The following EPB41L4B variants were observed in gnomAD, a reference collection of about 807,000 sequenced individuals.
EPB41L4B encodes band 4.1-like protein 4B.
Under a neutral mutation model 112.5 loss-of-function variants are expected in EPB41L4B, and 30 were observed. The ratio of observed to expected loss-of-function variants is 0.27; its 90% CI spans 0.20 to 0.36. The LOEUF (loss-of-function observed/expected upper bound fraction) is 0.36. Ranked by LOEUF, EPB41L4B falls within the 10% of genes least tolerant of loss-of-function variation. The pLI, the probability that EPB41L4B is intolerant of heterozygous loss-of-function variation, is 1.00. For missense variants in EPB41L4B, 1,024 were observed against 1,133.3 expected (o/e 0.90, Z 1.38); for synonymous variants, 408 against 439.7 (o/e 0.93, Z 0.90).
intron 11 of EPB41L4B, among the ~76,000 whole-genome samples, 182 bp downstream of exon 11, chr9:109,255,329 A>C (rs1834936518): frequency 6.6e-6 from 1 of 152,184 alleles, no homozygotes; most frequent in African/African-American, 2.4e-5. Context: ...TATTAGTTCC[A>C]TTTTATCAAT....
intron 20 of EPB41L4B, among the ~76,000 whole-genome samples, chr9:109,195,594 T>C (rs941832197): frequency 6.6e-6 from 1 of 152,216 alleles, no homozygotes; most frequent in Non-Finnish European, 1.5e-5. Context: ...CCTATTACCA[T>C]CTCCATTTTT....
chr9:109,250,313 C>T (rs1387941262), intron 13 of EPB41L4B, among the ~76,000 whole-genome samples: 1 of 152,160 alleles, frequency 6.6e-6, no homozygotes, highest in Non-Finnish European at 1.5e-5. Flanking sequence ...CAGGGCTCTC[C>T]TCGCTCACCG....
At chr9:109,276,302 G>A (rs1052028251) in intron 2 of EPB41L4B, among the ~76,000 whole-genome samples, 2 of 144,528 alleles carry the variant, frequency 1.4e-5, no homozygotes, top group Non-Finnish European at 3.1e-5. Flanking sequence ...CACGCTTCAT[G>A]AAGGGTGAGG....
At chr9:109,214,719 A>C (rs918007915) in intron 16 of EPB41L4B, among the ~76,000 whole-genome samples, 1 of 152,178 alleles carries the variant, frequency 6.6e-6, no homozygotes, top group African/African-American at 2.4e-5. Context: ...TAGCTAGAGT[A>C]TGGTGAGGAG....
chr9:109,200,366 A>G (rs916679473), intron 19 of EPB41L4B, 32 bp from the exon 20 acceptor site: 4 of 1,562,202 alleles, frequency 2.6e-6, no homozygotes, highest in Non-Finnish European at 3.5e-6. Context: ...GAACAATACC[A>G]TCAAAAAAGG....
At chr9:109,203,359 G>A (rs1832896087) in intron 19 of EPB41L4B, among the ~76,000 whole-genome samples, 1 of 152,130 alleles carries the variant, frequency 6.6e-6, no homozygotes, top group Non-Finnish European at 1.5e-5. Context: ...AGTGTAAACA[G>A]AGCCTTTAAA....
chr9:109,305,990 A>C (rs1837176311), intron 1 of EPB41L4B, among the ~76,000 whole-genome samples: 1 of 152,160 alleles, frequency 6.6e-6, no homozygotes, highest in Admixed American at 6.6e-5. Context: ...TGAGAAGTGA[A>C]GGGGACACTG....
At chr9:109,225,894 C>T (rs1044704246) in intron 15 of EPB41L4B, among the ~76,000 whole-genome samples, 6 of 152,178 alleles carry the variant, frequency 3.9e-5, no homozygotes, top group African/African-American at 1.4e-4. Context: ...GGAGAGGGGA[C>T]TTGCCTGAGC....
At chr9:109,258,758 G>A (rs1835078319) in intron 6 of EPB41L4B, among the ~76,000 whole-genome samples, 1 of 152,156 alleles carries the variant, frequency 6.6e-6, no homozygotes, top group Non-Finnish European at 1.5e-5. Flanking sequence ...CAGCATCCAG[G>A]GGGAAAGTAG....
chr9:109,276,312 G>GC (rs1413490225), intron 2 of EPB41L4B, among the ~76,000 whole-genome samples: 1 of 151,610 alleles, frequency 6.6e-6, no homozygotes, highest in African/African-American at 2.4e-5. Flanking sequence ...GAAGGGTGAG[G>GC]GGGGGGTCAT....
At chr9:109,218,572 C>G (rs1833469545) in intron 15 of EPB41L4B, among the ~76,000 whole-genome samples, 1 of 152,150 alleles carries the variant, frequency 6.6e-6, no homozygotes. Context: ...GTGAAGAGCC[C>G]TGGCTTGAAG....
chr9:109,179,207 T>G (rs1489069300), intron 24 of EPB41L4B, among the ~76,000 whole-genome samples: 3 of 152,122 alleles, frequency 2.0e-5, no homozygotes, highest in African/African-American at 7.2e-5. Context: ...GAATACAAAG[T>G]AGAAACTGGT....
chr9:109,185,631 G>A lies in EPB41L4B; in HGVS notation c.2302-26C>T, dbSNP rs758785351. 5.8e-6 allele frequency: 9 copies of A among 1,564,378 alleles called. No individual in the cohort carries two copies. In the South Asian group the frequency reaches 9.4e-5, roughly 16 times the overall value. On this transcript the variant is annotated intron_variant, in intron 22 of 25. Transcript: ENST00000374566. ...CTGCTCACGAGGAGAGGAGAGAAGG[G>A]GAGGAGGAGGTGGCAAGAGAAGGGG...
chr9:109,181,958 C>T (rs915311539), intron 24 of EPB41L4B, among the ~76,000 whole-genome samples: 2 of 152,146 alleles, frequency 1.3e-5, no homozygotes, highest in Non-Finnish European at 2.9e-5. Context: ...CCTGTAATCC[C>T]AACACTTTGG....
At chr9:109,197,389 C>T (rs1371744544) in intron 20 of EPB41L4B, among the ~76,000 whole-genome samples, 1 of 151,982 alleles carries the variant, frequency 6.6e-6, no homozygotes, top group Non-Finnish European at 1.5e-5. Flanking sequence ...AGCCATTGCA[C>T]TCCAGCCTGG....
intron 1 of EPB41L4B, among the ~76,000 whole-genome samples, chr9:109,297,131 A>G (rs1836760712): frequency 6.8e-6 from 1 of 147,670 alleles, no homozygotes; most frequent in South Asian, 2.3e-4. Flanking sequence ...ATCGGGACAC[A>G]CAGACACCAG....
intron 1 of EPB41L4B, among the ~76,000 whole-genome samples, chr9:109,302,673 G>C (rs1340624190): frequency 6.6e-6 from 1 of 152,028 alleles, no homozygotes; most frequent in African/African-American, 2.4e-5. Context: ...CACACCCGAA[G>C]ATCCAACGTT....
chr9:109,268,710 A>G (rs1835497889), intron 2 of EPB41L4B, among the ~76,000 whole-genome samples: 7 of 151,978 alleles, frequency 4.6e-5, no homozygotes, highest in Admixed American at 4.6e-4. Flanking sequence ...CATCCTGGCT[A>G]ACACGGTGAA....
At position 109,320,493 on chromosome 9, in the gene EPB41L4B, C is replaced by G. The variant is rs1271153178; in HGVS notation, c.-47G>C. ...CCTCCGCCCCCTGCGCTGCCGCTGC[C>G]GCTGCCGCTGCCGCTGCGCCGCCGC... On this transcript the variant is annotated 5_prime_UTR_variant, in exon 1 of 26. Coordinates refer to ENST00000374566, the MANE Select transcript of EPB41L4B (RefSeq NM_019114.5). The G allele has an allele frequency of 1.1e-6, 1 of 915,452 alleles. No individual in the cohort carries two copies. Among genetic ancestry groups the G allele is most frequent in the Non-Finnish European group, 1.3e-6 (1 of 773,428 alleles). 56.7% of individuals were successfully genotyped at this position (915,452 alleles called of 1,614,324 possible). A position where few individuals can be genotyped will look rare whatever the true frequency, so the allele number is the denominator to read the frequency against.
Sources: gnomAD v4.1 joint callset for allele counts (sites outside exome capture counted in the v4.1 genomes callset) on GRCh38, gnomAD v4.1.1 for gene constraint, MANE v1.5 for transcripts, NCBI Gene and HGNC (gene_info 2026-07-23, HGNC 2026-07-21) for gene names.